The following DPRX variants were observed in gnomAD, a reference collection of about 807,000 sequenced individuals.
DPRX encodes divergent paired-related homeobox.
In DPRX, 11 loss-of-function variants were observed where a neutral mutation model predicts 8.4. That is an observed-to-expected ratio of 1.31 (90% CI 0.82 to 2.17). The LOEUF (loss-of-function observed/expected upper bound fraction) is 2.17, where lower values mean the gene tolerates loss of function less well. Ranked by LOEUF, DPRX falls within the 30% of genes most tolerant of loss-of-function variation. The probability of loss-of-function intolerance (pLI) is 0.00; values close to 1 mark genes in which losing one functional copy is unlikely to be tolerated. For synonymous variants in DPRX, 72 were observed against 87.0 expected, an observed-to-expected ratio of 0.83 and a Z score of 0.96; for missense variants, 211 against 236.7, an observed-to-expected ratio of 0.89 and a Z score of 0.71.
the DPRX span, chr19:53,603,590 T>C: frequency 1.8e-5 from 6 of 341,612 alleles, no homozygotes; most frequent in African/African-American, 1.3e-4. Flanking sequence ...CAGGTCCCTG[T>C]TCATCCAACA....
intron 2 of DPRX, among the ~76,000 whole-genome samples, chr19:53,636,383 A>AAATAAAATAT (rs1475870425): frequency 8.2e-6 from 1 of 121,808 alleles, no homozygotes; most frequent in African/African-American, 3.1e-5. Flanking sequence ...AAATAAAATA[A>AAATAAAATAT]AATAAAAATA....
At chr19:53,609,584 G>A in the DPRX span, among the ~76,000 whole-genome samples, 70 of 151,202 alleles carry the variant, frequency 4.6e-4, no homozygotes, top group East Asian at 1.6e-3. Flanking sequence ...CGTGTGTACC[G>A]GCTGGCCACC....
chr19:53,632,467 ATTTT>A (rs35312439), intron 1 of DPRX, among the ~76,000 whole-genome samples: 2 of 148,206 alleles, frequency 1.3e-5, no homozygotes, highest in Admixed American at 6.8e-5. Context: ...CACCTGGCTA[ATTTT>A]TTTTTTTTTT....
At chr19:53,601,397 G>A in the DPRX span, 1 of 456,154 alleles carries the variant, frequency 2.2e-6, no homozygotes, top group Non-Finnish European at 4.4e-6. Flanking sequence ...TTAACCGTGA[G>A]CACACCACGA....
At chr19:53,617,576 GAAA>G in the DPRX span, among the ~76,000 whole-genome samples, 2 of 107,580 alleles carry the variant, frequency 1.9e-5, no homozygotes, top group African/African-American at 7.1e-5. Flanking sequence ...AAAAAAAAAA[GAAA>G]AAAAAAAAGA....
chr19:53,616,961 C>T, the DPRX span: 80 of 1,225,574 alleles, frequency 6.5e-5, 1 homozygote, highest in Admixed American at 7.9e-4. Context: ...TATGATGTTA[C>T]GGTTGAACCG....
the DPRX span, among the ~76,000 whole-genome samples, chr19:53,612,163 C>T: frequency 5.3e-5 from 8 of 151,642 alleles, no homozygotes; most frequent in African/African-American, 9.7e-5. Flanking sequence ...GCAGGAGAAT[C>T]GCTTGAGCCC....
At chr19:53,606,766 C>G in the DPRX span, 2 of 151,204 alleles carry the variant, frequency 1.3e-5, no homozygotes, top group African/African-American at 4.9e-5. The surrounding 1 kb of genome is among the most constrained non-coding windows in gnomAD (Gnocchi z 4.8). Flanking sequence ...GGGTGGAGGG[C>G]TTCTTCTCCT....
chr19:53,625,162 C>T, the DPRX span, among the ~76,000 whole-genome samples: 2 of 151,674 alleles, frequency 1.3e-5, no homozygotes, highest in Admixed American at 1.3e-4. Context: ...AGCGATCCTC[C>T]TGCCTTAGCC....
At chr19:53,623,165 G>T in the DPRX span, among the ~76,000 whole-genome samples, 3 of 151,716 alleles carry the variant, frequency 2.0e-5, no homozygotes, top group African/African-American at 7.3e-5. Flanking sequence ...AAATTAGCTG[G>T]GCCTGGTGGC....
the DPRX span, among the ~76,000 whole-genome samples, chr19:53,619,787 G>A: frequency 2.0e-5 from 3 of 150,802 alleles, no homozygotes; most frequent in Admixed American, 1.3e-4. Flanking sequence ...CCTGGGAGGT[G>A]GAGATTGCAG....
At chr19:53,628,714 C>T (rs1432886597), upstream of DPRX, among the ~76,000 whole-genome samples, 1 of 151,858 alleles carries the variant, frequency 6.6e-6, no homozygotes, top group African/African-American at 2.4e-5. Flanking sequence ...CTCAGCTTCC[C>T]GAGTAGCTGG....
At chr19:53,623,310 A>AAATAAATAAATAAAT in the DPRX span, among the ~76,000 whole-genome samples, 1 of 133,934 alleles carries the variant, frequency 7.5e-6, no homozygotes, top group African/African-American at 2.7e-5. Flanking sequence ...CTGTCTCAAA[A>AAATAAATAAATAAAT]AAATAAATAA....
chr19:53,632,280 GT>G, intron 1 of DPRX, 146 bp downstream of exon 1: 1 of 980,532 alleles, frequency 1.0e-6, no homozygotes, highest in Non-Finnish European at 1.6e-6. Flanking sequence ...GGCTGTCATC[GT>G]TTTTGTTGTT....
At chr19:53,605,719 C>T in the DPRX span, among the ~76,000 whole-genome samples, 2 of 152,024 alleles carry the variant, frequency 1.3e-5, no homozygotes, top group Non-Finnish European at 2.9e-5. Flanking sequence ...GGCTGGCGTG[C>T]AGTGGTGTGA....
the DPRX span, chr19:53,601,364 CA>C: frequency 4.4e-6 from 2 of 456,424 alleles, no homozygotes; most frequent in South Asian, 1.5e-5. Flanking sequence ...GAACAGGCAA[CA>C]GGGGGACCTG....
the DPRX span, among the ~76,000 whole-genome samples, chr19:53,614,098 A>C: frequency 1.1e-4 from 17 of 151,784 alleles, no homozygotes; most frequent in Non-Finnish European, 1.9e-4. Context: ...CTACAGGTGC[A>C]CACCACCACG....
chr19:53,616,187 G>A, the DPRX span, among the ~76,000 whole-genome samples: 2 of 152,040 alleles, frequency 1.3e-5, no homozygotes, highest in Non-Finnish European at 2.9e-5. Flanking sequence ...AGGAGGCGGA[G>A]GTTGCAGTGA....
chr19:53,602,014 T>C, the DPRX span: 1 of 456,148 alleles, frequency 2.2e-6, no homozygotes, highest in South Asian at 1.5e-5. Flanking sequence ...TAAAGAGGAG[T>C]GTTGCTCTGG....
Sources: gnomAD v4.1 joint callset for allele counts (sites outside exome capture counted in the v4.1 genomes callset) on GRCh38, gnomAD v4.1.1 for gene constraint, Gnocchi (gnomAD v3.1) non-coding constraint, MANE v1.5 for transcripts, NCBI Gene and HGNC (gene_info 2026-07-23, HGNC 2026-07-21) for gene names.